RNF212: variants seen among roughly 807,000 people sequenced by gnomAD.
The protein encoded by RNF212 is ring finger protein 212, also known as probable E3 SUMO-protein ligase RNF212.
RNF212 carries 33 observed loss-of-function variants against 34.7 expected under a neutral mutation model. The observed-to-expected ratio is 0.95, with a 90% confidence interval of 0.72 to 1.27. RNF212 has a LOEUF of 1.27. Among genes scored for constraint, RNF212 ranks in the 50% most tolerant of loss-of-function variants. RNF212 has a pLI of 0.00. For synonymous variants in RNF212, 140 were observed against 136.1 expected (o/e 1.03, Z -0.20); for missense variants, 377 against 362.2 (o/e 1.04, Z -0.33).
chr4:1,104,879 C>T lies in RNF212; in HGVS notation c.171+3464G>A, dbSNP rs143895688. The stretch of plus-strand genomic sequence containing the variant: ...GACAGCTAAGAAACACTCCCCACCA[C>T]ACCAAGGGAGGAGGAAGAACACAGG... On this transcript the variant is annotated intron_variant, in intron 2 of 9. Transcript: ENST00000433731. Among the ~76,000 whole-genome samples, 189 of 152,298 alleles carry T rather than the reference C, an allele frequency of 1.2e-3. 3 individuals carry two copies. The East Asian group carries it at 0.033, about 27-fold the overall frequency.
intron 2 of RNF212, among the ~76,000 whole-genome samples, chr4:1,105,713 C>CA (rs1301994225): frequency 1.3e-5 from 2 of 151,668 alleles, no homozygotes; most frequent in Non-Finnish European, 1.5e-5. Context: ...CACCCACGTG[C>CA]AAGTGCACAT....
In RNF212 at chr4:1,081,387, G is replaced by C. The variant is rs567287612; in HGVS notation, c.464+32C>G. 1.9e-5 allele frequency: 31 copies of C among 1,600,868 alleles called. No individual in the cohort carries two copies. In the African/African-American group the frequency reaches 2.9e-4, roughly 15 times the overall value. ...AGGTGCAGAATCGGAAAGACCTGCA[G>C]GTCCTGTGATTTCTGCAAGCAACCC... is the stretch of plus-strand genomic sequence containing the variant. On this transcript the variant is annotated intron_variant, in intron 7 of 9. Transcript: ENST00000433731.
At chr4:1,104,127 G>A (rs6820779) in intron 2 of RNF212, among the ~76,000 whole-genome samples, 150,180 of 152,368 alleles carry the variant, frequency 0.99, 74,048 homozygotes, top group East Asian at 1. Flanking sequence ...CCAAATCATT[G>A]AATACCTAAC....
In RNF212 at chr4:1,112,705, C is replaced by T. The variant is rs374564704; in HGVS notation, c.109+651G>A. 2.0e-5 allele frequency among the ~76,000 whole-genome samples: 3 copies of T among 146,756 alleles called. No homozygotes were observed. In the South Asian group the frequency reaches 6.9e-4, roughly 34 times the overall value. ...CCCTGTGTCCCCCTCATCTTGCATC[C>T]CGCTCCCCCCGGCGGCCCCTCCCCT... On this transcript the variant is annotated intron_variant, in intron 1 of 9. Coordinates refer to ENST00000433731, the MANE Select transcript of RNF212 (RefSeq NM_001131034.4).
chr4:1,094,934 G>A (rs1347262014), intron 3 of RNF212, among the ~76,000 whole-genome samples: 1 of 152,208 alleles, frequency 6.6e-6, no homozygotes, highest in Non-Finnish European at 1.5e-5. Flanking sequence ...AGAACCTTTT[G>A]TATGTAAATG....
chr4:1,112,348 A>G (rs1023494328), intron 1 of RNF212, among the ~76,000 whole-genome samples: 1 of 152,192 alleles, frequency 6.6e-6, no homozygotes, highest in Non-Finnish European at 1.5e-5. Context: ...GGAGGTCAGC[A>G]CAGCTGGCGT....
intron 3 of RNF212, among the ~76,000 whole-genome samples, chr4:1,059,435 C>T (rs1432330077): frequency 2.6e-5 from 4 of 152,196 alleles, no homozygotes; most frequent in Non-Finnish European, 5.9e-5. Flanking sequence ...CAGAGACTGC[C>T]CTCCTAGGGA....
At chr4:1,094,015 C>G (rs1577754684) in intron 3 of RNF212, 1 of 1,527,102 alleles carries the variant, frequency 6.5e-7, no homozygotes, top group Non-Finnish European at 8.7e-7. Context: ...GCCTGAGATA[C>G]TGTGGGTGAT....
chr4:1,094,768 T>C (rs1460181319), intron 3 of RNF212, among the ~76,000 whole-genome samples: 2 of 152,258 alleles, frequency 1.3e-5, no homozygotes, highest in Non-Finnish European at 1.5e-5. Context: ...AACCCTGATC[T>C]GGTGGGGAGG....
intron 3 of RNF212, among the ~76,000 whole-genome samples, chr4:1,095,888 C>G (rs564490660): frequency 7.5e-5 from 5 of 66,912 alleles, no homozygotes; most frequent in Non-Finnish European, 1.0e-4. Context: ...ATGGTCTCAG[C>G]ATAGCGCACC....
chr4:1,103,889 T>TA (rs973761641), intron 2 of RNF212, among the ~76,000 whole-genome samples: 25 of 151,774 alleles, frequency 1.6e-4, no homozygotes, highest in African/African-American at 3.1e-4. Flanking sequence ...GCCAATGCTG[T>TA]AAAAAAAAGG....
In RNF212 at chr4:1,091,431, C is replaced by T. The variant is rs73792264; in HGVS notation, c.247-593G>A. Among the ~76,000 whole-genome samples, 517 of 152,316 alleles carry T rather than the reference C, an allele frequency of 3.4e-3. 3 individuals carry two copies. The highest frequency in any genetic ancestry group is 0.012 in the African/African-American group (493 of 41,550). On this transcript the variant is annotated intron_variant, in intron 3 of 9. Coordinates refer to ENST00000433731, the MANE Select transcript of RNF212 (RefSeq NM_001131034.4). ...CCTCAGAGGAAGAAAAGAGCTATTT[C>T]GTATGAGTTGAGTGTTCAGACAATG...
chr4:1,057,060 GGTAGTT>G, intron 4 of RNF212: 9 of 896,372 alleles, frequency 1.0e-5, no homozygotes, highest in African/African-American at 1.8e-5. Flanking sequence ...CTGGTGACAC[GGTAGTT>G]ACAGCACTGG....
chr4:1,064,499 A>G (rs1297230537), intron 3 of RNF212, among the ~76,000 whole-genome samples: 2 of 152,196 alleles, frequency 1.3e-5, no homozygotes, highest in African/African-American at 4.8e-5. Context: ...GCAGTTCTGG[A>G]GACTGGCAAG....
At chr4:1,075,757 C>T (rs916679878) in intron 8 of RNF212, among the ~76,000 whole-genome samples, 1 of 152,190 alleles carries the variant, frequency 6.6e-6, no homozygotes, top group Non-Finnish European at 1.5e-5. Context: ...CTCACTGCAG[C>T]CTCAACCTCC....
At chr4:1,091,906 G>A (rs1722244849) in intron 3 of RNF212, among the ~76,000 whole-genome samples, 1 of 152,192 alleles carries the variant, frequency 6.6e-6, no homozygotes, top group Non-Finnish European at 1.5e-5. Flanking sequence ...GCCACCCCGT[G>A]GGCTATGAAG....
At chr4:1,095,810 C>A (rs559421862) in intron 3 of RNF212, among the ~76,000 whole-genome samples, 2 of 82,158 alleles carry the variant, frequency 2.4e-5, no homozygotes, top group Non-Finnish European at 2.2e-5. Flanking sequence ...GCACACCCCC[C>A]ACAGCTCCAT....
intron 4 of RNF212, 123 bp from the exon 5 acceptor site, chr4:1,086,077 G>T: frequency 1.3e-6 from 1 of 741,584 alleles, no homozygotes. Flanking sequence ...CCCTCACGCT[G>T]CTCAGGAGTA....
At chr4:1,099,329 GA>G (rs1723558880) in intron 2 of RNF212, among the ~76,000 whole-genome samples, 1 of 152,168 alleles carries the variant, frequency 6.6e-6, no homozygotes, top group Non-Finnish European at 1.5e-5. Flanking sequence ...AATAATAAAG[GA>G]ATTCCCTGTA....
Sources: gnomAD v4.1 joint callset for allele counts (sites outside exome capture counted in the v4.1 genomes callset) on GRCh38, gnomAD v4.1.1 for gene constraint, MANE v1.5 for transcripts, NCBI Gene and HGNC (gene_info 2026-07-23, HGNC 2026-07-21) for gene names.